NDFIP2: variants seen among roughly 807,000 people sequenced by gnomAD.
NDFIP2 encodes the protein Nedd4 family interacting protein 2, also known as NEDD4 family-interacting protein 2.
NDFIP2 carries 19 observed loss-of-function variants against 36.0 expected under a neutral mutation model. The observed-to-expected ratio is 0.53, with a 90% CI of 0.37 to 0.77. The LOEUF (loss-of-function observed/expected upper bound fraction) is 0.77, where lower values mean the gene tolerates loss of function less well. Among genes scored for constraint, NDFIP2 ranks in the 30% least tolerant of loss-of-function variants. NDFIP2 has a pLI of 0.00. For missense variants in NDFIP2, 446 were observed against 435.8 expected (o/e 1.02, Z -0.21); for synonymous variants, 181 against 167.7 (o/e 1.08, Z -0.61).
intron 2 of NDFIP2, among the ~76,000 whole-genome samples, chr13:79,521,268 A>G (rs775367579): frequency 7.9e-5 from 12 of 152,124 alleles, no homozygotes; most frequent in Non-Finnish European, 4.4e-5. Context: ...GATATCCCAT[A>G]CATATGATAA....
intron 1 of NDFIP2, among the ~76,000 whole-genome samples, chr13:79,487,561 G>A (rs1873052113): frequency 6.6e-6 from 1 of 152,000 alleles, no homozygotes; most frequent in African/African-American, 2.4e-5. Flanking sequence ...TTTTCCATGG[G>A]TGGAATTACT....
In NDFIP2 at chr13:79,520,835, A is replaced by G. The variant is rs1874543901; in HGVS notation, c.347A>G (p.Glu116Gly). 1 of 1,612,976 alleles carries G rather than the reference A, an allele frequency of 6.2e-7. No homozygotes were observed. The highest frequency in any genetic ancestry group is 8.5e-7 in the Non-Finnish European group (1 of 1,179,306). The change falls in exon 2 of 8, where the codon GAA becomes GGA. Residue 116 changes from glutamate (E) to glycine (G), a missense_variant. Glu to Gly is a moderately conservative substitution (Grantham distance 98). Coordinates refer to ENST00000218652, the MANE Select transcript of NDFIP2 (RefSeq NM_019080.3). Reference protein sequence around the residue: ...QVLLNEEDNSESSAIEQPPTS... With the variant: ...QVLLNEEDNSGSSAIEQPPTS... ...CTTCTTAATGAAGAGGATAACTCAG[A>G]ATCATCGGCTATAGAGCAGCCACCT...
chr13:79,527,677 T>G (rs951769022), intron 2 of NDFIP2, among the ~76,000 whole-genome samples: 5 of 152,224 alleles, frequency 3.3e-5, no homozygotes, highest in Admixed American at 6.5e-5. Flanking sequence ...ATATAATACT[T>G]GATAATGGTA....
At chr13:79,551,739 T>G (rs1875917808) in intron 7 of NDFIP2, among the ~76,000 whole-genome samples, 1 of 151,504 alleles carries the variant, frequency 6.6e-6, no homozygotes. Context: ...GGTTATCCAG[T>G]GAATTTCTGG....
chr13:79,537,005 G>A (rs2137105897), intron 3 of NDFIP2, among the ~76,000 whole-genome samples: 1 of 152,098 alleles, frequency 6.6e-6, no homozygotes, highest in Middle Eastern at 3.4e-3. Context: ...AGCCATGATT[G>A]TGCCACTGCA....
rs1566671456 is a variant in NDFIP2 at position 79,554,950 on chromosome 13, TTTTCTATA to T, written c.*2439_*2446del. ...CTGAATTTTAAGGCAAAAACAACAC[TTTTCTATA>T]TAGTGTATGCAGGACAGATTTTAGA... On this transcript the variant is annotated 3_prime_UTR_variant, in exon 8 of 8. Coordinates refer to ENST00000218652, the MANE Select transcript of NDFIP2 (RefSeq NM_019080.3). 1 of 151,894 alleles carries T rather than the reference TTTTCTATA, an allele frequency of 6.6e-6. No individual in the cohort carries two copies. The highest frequency in any genetic ancestry group is 1.5e-5 in the Non-Finnish European group (1 of 67,856). The allele number at this position is 151,894 out of a possible 1,614,324, so 9.4% of individuals were successfully genotyped here. A position where few individuals can be genotyped will look rare whatever the true frequency, so the allele number is the denominator to read the frequency against.
intron 1 of NDFIP2, among the ~76,000 whole-genome samples, chr13:79,497,575 A>G (rs1375250963): frequency 6.6e-6 from 1 of 150,614 alleles, no homozygotes; most frequent in African/African-American, 2.4e-5. Context: ...TTTTTGTCCT[A>G]AGTTCATAGT....
At chr13:79,524,277 C>G (rs138101159) in intron 2 of NDFIP2, among the ~76,000 whole-genome samples, 1 of 152,312 alleles carries the variant, frequency 6.6e-6, no homozygotes, top group African/African-American at 2.4e-5. Flanking sequence ...ATTTTCCTGG[C>G]TTCTCTGCTG....
At chr13:79,539,652 G>A (rs1875380685) in intron 3 of NDFIP2, 30 bp from the exon 4 acceptor site, 1 of 1,557,412 alleles carries the variant, frequency 6.4e-7, no homozygotes, top group African/African-American at 1.4e-5. Context: ...GTAATTTTTA[G>A]TGAGCTATTC....
chr13:79,540,252 TG>T (rs1460238557), intron 4 of NDFIP2, among the ~76,000 whole-genome samples: 3 of 152,178 alleles, frequency 2.0e-5, no homozygotes, highest in Non-Finnish European at 4.4e-5. Context: ...AAGTCTTATT[TG>T]GGGGAATGTT....
chr13:79,501,175 G>A (rs74098284), intron 1 of NDFIP2, among the ~76,000 whole-genome samples: 1,778 of 152,120 alleles, frequency 0.012, 38 homozygotes, highest in African/African-American at 0.041. Flanking sequence ...AGGGAGGGAT[G>A]AATAGGTGGA....
At chr13:79,487,220 CT>C (rs1283589124) in intron 1 of NDFIP2, among the ~76,000 whole-genome samples, 3 of 152,062 alleles carry the variant, frequency 2.0e-5, no homozygotes, top group Non-Finnish European at 4.4e-5. Context: ...CCCCAGGTGA[CT>C]GTTCTGATTT....
chr13:79,492,490 C>T (rs550550695), intron 1 of NDFIP2, among the ~76,000 whole-genome samples: 8 of 152,158 alleles, frequency 5.3e-5, no homozygotes, highest in South Asian at 4.2e-4. Context: ...GCAGCCCTAA[C>T]CTTCTGAGTT....
intron 1 of NDFIP2, among the ~76,000 whole-genome samples, chr13:79,491,334 G>T (rs182316360): frequency 6.6e-6 from 1 of 152,196 alleles, no homozygotes; most frequent in African/African-American, 2.4e-5. Flanking sequence ...CTGCTACTGA[G>T]ACCTGGGCTC....
chr13:79,545,091 G>A (rs1479301670), intron 5 of NDFIP2, among the ~76,000 whole-genome samples: 2 of 152,002 alleles, frequency 1.3e-5, no homozygotes, highest in Non-Finnish European at 2.9e-5. Context: ...AAACCTCAAA[G>A]TTGGGCCTAG....
intron 1 of NDFIP2, among the ~76,000 whole-genome samples, chr13:79,499,359 T>C (rs1015281072): frequency 2.6e-5 from 4 of 151,938 alleles, no homozygotes; most frequent in Non-Finnish European, 4.4e-5. Flanking sequence ...TTCAACATCA[T>C]ACTAGAAGTT....
chr13:79,486,579 T>C (rs117895434), intron 1 of NDFIP2, among the ~76,000 whole-genome samples: 3,114 of 152,318 alleles, frequency 0.02, 49 homozygotes, highest in South Asian at 0.065. Flanking sequence ...CATGGCCTAG[T>C]GGATGAACTT....
chr13:79,537,134 G>A (rs569849715), intron 3 of NDFIP2, among the ~76,000 whole-genome samples: 1 of 151,824 alleles, frequency 6.6e-6, no homozygotes, highest in Non-Finnish European at 1.5e-5. Flanking sequence ...TTGAGGCGCA[G>A]TCTCACTCTG....
Position 79,539,727 on chromosome 13 carries a change from G to A in NDFIP2, c.667G>A (p.Asp223Asn), listed in dbSNP as rs1424842417. ...ACCAAGAGATGACTTCAGTGATGCA[G>A]ACCAGCTCAGAGTGGGGAATGATGG... ...CPPRDDFSDA[D>N]QLRVGNDGIF... The change falls in exon 4 of 8, where the codon GAC becomes AAC. Residue 223 changes from aspartate (D) to asparagine (N), a missense_variant. Physicochemically the swap from Asp to Asn is conservative, Grantham distance 23 (BLOSUM62 1). Coordinates refer to ENST00000218652, the MANE Select transcript of NDFIP2 (RefSeq NM_019080.3). 1 of 1,613,820 alleles carries A rather than the reference G, an allele frequency of 6.2e-7. No homozygotes were observed. Among genetic ancestry groups the A allele is most frequent in the Admixed American group, 1.7e-5 (1 of 60,010 alleles).
Sources: allele counts gnomAD v4.1 joint callset (sites outside exome capture counted in the v4.1 genomes callset), GRCh38; gene constraint gnomAD v4.1.1; transcripts MANE v1.5; gene names NCBI Gene and HGNC (gene_info 2026-07-23, HGNC 2026-07-21).